The following ETV5 variants were observed in gnomAD, a reference collection of about 807,000 sequenced individuals.
The protein encoded by ETV5 is ETS variant transcription factor 5.
A neutral mutation model predicts 70.0 loss-of-function variants in ETV5; 10 were observed. That is an observed-to-expected ratio of 0.14 (90% CI 0.09 to 0.24). The LOEUF (loss-of-function observed/expected upper bound fraction) is 0.24. ETV5 is among the 10% of genes least tolerant of loss of function. ETV5 has a pLI of 1.00. For missense variants in ETV5, 453 were observed against 651.2 expected (o/e 0.70, Z 3.31); for synonymous variants, 216 against 242.2 (o/e 0.89, Z 1.01).
chr3:186,077,279 G>T (rs1713819308), intron 7 of ETV5, among the ~76,000 whole-genome samples: 1 of 152,196 alleles, frequency 6.6e-6, no homozygotes, highest in African/African-American at 2.4e-5. Context: ...TAAGCCAAGA[G>T]ACAACCTATA....
chr3:186,048,138 T>C lies in ETV5; in HGVS notation c.*501A>G. The C allele has an allele frequency of 4.2e-6, 1 of 235,926 alleles. No individual in the cohort carries two copies. The highest frequency in any genetic ancestry group is 8.4e-6 in the Non-Finnish European group (1 of 119,582). The allele number at this position is 235,926 out of a possible 1,614,324, so 14.6% of individuals were successfully genotyped here. ...ATATTTCAGATTCAGCTAGAAGAGC[T>C]TTCCAATGTTTAAGATGTATTTTTA... On this transcript the variant is annotated 3_prime_UTR_variant, in exon 13 of 13. Transcript: ENST00000306376.
Position 186,105,247 on chromosome 3 carries a change from G to C in ETV5, c.232+58C>G. 6.9e-7 allele frequency: 1 copy of C among 1,454,010 alleles called. No homozygotes were observed. Among genetic ancestry groups the C allele is most frequent in the Non-Finnish European group, 9.5e-7 (1 of 1,050,810 alleles). The allele number at this position is 1,454,010 out of a possible 1,614,324, so 90.1% of individuals were successfully genotyped here. ...CTGAAAAAAGCATATTCTAGACATG[G>C]ATGATCTAAGACCAAACAATTTCAG... is the stretch of plus-strand genomic sequence containing the variant. On this transcript the variant is annotated intron_variant, in intron 5 of 12. Coordinates refer to ENST00000306376, the MANE Select transcript of ETV5 (RefSeq NM_004454.3). This position sits in a 1 kb window ranked among gnomAD's most constrained non-coding sequence, Gnocchi z 4.5.
intron 5 of ETV5, among the ~76,000 whole-genome samples, chr3:186,089,786 A>G (rs1459164139): frequency 6.6e-6 from 1 of 152,238 alleles, no homozygotes; most frequent in African/African-American, 2.4e-5. Context: ...TGAAGCATAA[A>G]CATAAATGCA....
Position 186,101,356 on chromosome 3 carries a change from G to A in ETV5, c.232+3949C>T, listed in dbSNP as rs560767441. Among the ~76,000 whole-genome samples, 444 of 152,250 alleles carry A rather than the reference G, an allele frequency of 2.9e-3. 3 individuals carry two copies. Among genetic ancestry groups the A allele is most frequent in the African/African-American group, 9.8e-3 (409 of 41,536 alleles). On this transcript the variant is annotated intron_variant, in intron 5 of 12. Transcript: ENST00000306376. The stretch of plus-strand genomic sequence containing the variant: ...GGGTACAGTGGTGTGATCACTACTC[G>A]CTTCAACTGTAACCTCGAACTCCTA...
chr3:186,104,866 T>A (rs977101148), intron 5 of ETV5: 1 of 153,894 alleles, frequency 6.5e-6, no homozygotes, highest in Non-Finnish European at 1.4e-5. Flanking sequence ...CTCAGCCTCC[T>A]GAGTAGCTTG....
chr3:186,068,366 A>G (rs1033155401), intron 7 of ETV5, among the ~76,000 whole-genome samples: 6 of 152,230 alleles, frequency 3.9e-5, no homozygotes, highest in Non-Finnish European at 7.4e-5. Context: ...GGTGTCATAT[A>G]AAACCACAGA....
At chr3:186,102,636 CAAAAAAAA>C (rs35154225) in intron 5 of ETV5, among the ~76,000 whole-genome samples, 1 of 91,842 alleles carries the variant, frequency 1.1e-5, no homozygotes, top group Admixed American at 1.2e-4. Context: ...ACTCTCTCTC[CAAAAAAAA>C]AAAAAAAAAA....
At position 186,079,919 on chromosome 3, in the gene ETV5, T is replaced by C; in HGVS notation, c.548A>G (p.Glu183Gly). 1 of 1,494,238 alleles carries C rather than the reference T, an allele frequency of 6.7e-7. No individual in the cohort carries two copies. 92.6% of individuals were successfully genotyped at this position (1,494,238 alleles called of 1,614,324 possible). The part of the protein sequence containing the change: ...GPAPAPHSLP[E>G]PGPQQQTFAV... The stretch of plus-strand genomic sequence containing the variant: ...AAATGTTTGCTGCTGTGGTCCAGGC[T>C]CTGGAAGCGAATGGGGGGCGGGGGC... Residue 183 changes from glutamate to glycine, a missense_variant, in exon 7 of 13, where the codon GAG becomes GGG. Transcript: ENST00000306376.
intron 9 of ETV5, among the ~76,000 whole-genome samples, chr3:186,058,994 CAGAG>C (rs1427706796): frequency 8.3e-5 from 11 of 131,948 alleles, no homozygotes; most frequent in African/African-American, 3.2e-4. Flanking sequence ...GCCTGTGCAA[CAGAG>C]AGAGGCTCTG....
intron 1 of ETV5, among the ~76,000 whole-genome samples, chr3:186,107,830 C>G (rs941640845): frequency 1.3e-5 from 2 of 151,998 alleles, no homozygotes; most frequent in African/African-American, 4.8e-5. Context: ...TAGCGCTGGG[C>G]CCCATTCACA....
chr3:186,074,730 A>G (rs1382997521), intron 7 of ETV5, among the ~76,000 whole-genome samples: 5 of 152,046 alleles, frequency 3.3e-5, no homozygotes, highest in Non-Finnish European at 7.4e-5. Flanking sequence ...CCTGGCCAAC[A>G]TGGTGAAACC....
In ETV5 at chr3:186,047,575, G is replaced by A. The variant is rs1712910219; in HGVS notation, c.*1064C>T. 1 of 232,076 alleles carries A rather than the reference G, an allele frequency of 4.3e-6. No homozygotes were observed. Among genetic ancestry groups the A allele is most frequent in the Non-Finnish European group, 8.5e-6 (1 of 117,236 alleles). 14.4% of individuals were successfully genotyped at this position (232,076 alleles called of 1,614,324 possible). On this transcript the variant is annotated 3_prime_UTR_variant, in exon 13 of 13. Transcript: ENST00000306376. ...CTATACATAGAGAATCTAAGCTTGT[G>A]TCCAGGCTGCCCTGCACACTTCAAA...
In ETV5 at chr3:186,046,371, C is replaced by T. The variant is rs1209945725; in HGVS notation, c.*2268G>A. 4.4e-6 allele frequency: 1 copy of T among 225,542 alleles called. No individual in the cohort carries two copies. The highest frequency in any genetic ancestry group is 5.7e-5 in the Admixed American group (1 of 17,494). The allele number at this position is 225,542 out of a possible 1,614,324, so 14.0% of individuals were successfully genotyped here. A position where few individuals can be genotyped will look rare whatever the true frequency, so the allele number is the denominator to read the frequency against. On this transcript the variant is annotated 3_prime_UTR_variant, in exon 13 of 13. Coordinates refer to ENST00000306376, the MANE Select transcript of ETV5 (RefSeq NM_004454.3). ...GTACACAGTACAGAATATAACGCAG[C>T]TTGGCAGGATGCATACGGCCCTGCG...
intron 5 of ETV5, among the ~76,000 whole-genome samples, chr3:186,104,363 A>G (rs1714537666): frequency 6.6e-6 from 1 of 152,070 alleles, no homozygotes; most frequent in African/African-American, 2.4e-5. Context: ...TTCCCACTGC[A>G]TTTTCTCTCT....
intron 5 of ETV5, among the ~76,000 whole-genome samples, chr3:186,092,269 A>T (rs1490677967): frequency 6.6e-6 from 1 of 152,238 alleles, no homozygotes; most frequent in Non-Finnish European, 1.5e-5. Context: ...AAAGGAGCTT[A>T]GAAAAGAACT....
chr3:186,102,837 C>T (rs770194009), intron 5 of ETV5, among the ~76,000 whole-genome samples: 2 of 152,082 alleles, frequency 1.3e-5, no homozygotes, highest in South Asian at 2.1e-4. Context: ...CTGTGGAAAG[C>T]GCTCATGGAA....
chr3:186,078,330 G>A lies in ETV5; in HGVS notation c.650+1487C>T, dbSNP rs932016038. The A allele has an allele frequency of 3.2e-5, 12 of 370,294 alleles. No homozygotes were observed. In the East Asian group the frequency reaches 4.9e-4, roughly 15 times the overall value. The allele number at this position is 370,294 out of a possible 1,614,324, so 22.9% of individuals were successfully genotyped here. A position where few individuals can be genotyped will look rare whatever the true frequency, so the allele number is the denominator to read the frequency against. On this transcript the variant is annotated intron_variant, in intron 7 of 12. Transcript: ENST00000306376. ...AGTTTCAAATACTGAATATATACTC[G>A]ACCCCACACTTCCTCCCCAATTTCC...
In ETV5 at chr3:186,048,731, G is replaced by A. The variant is rs1328816432; in HGVS notation, c.1441C>T (p.Leu481=). 2.5e-6 allele frequency: 4 copies of A among 1,614,076 alleles called. No individual in the cohort carries two copies. In the Admixed American group the frequency reaches 5.0e-5, roughly 20 times the overall value. ...CTGTCTTCAAAGTGGGTCAGCGGCA[G>A]GGTGTCCTCCTCGCTGAGGTGGCAC... ...SECHLSEEDT[L]PLTHFEDSPA... The change falls in exon 13 of 13, where the codon CTG becomes TTG. Residue 481 remains leucine, a synonymous_variant. Transcript: ENST00000306376.
chr3:186,066,554 A>C (rs1248182579), intron 7 of ETV5, among the ~76,000 whole-genome samples: 1 of 152,192 alleles, frequency 6.6e-6, no homozygotes, highest in African/African-American at 2.4e-5. Flanking sequence ...GCAATAAAAA[A>C]CATAACATTC....
Sources: allele counts gnomAD v4.1 joint callset (sites outside exome capture counted in the v4.1 genomes callset), GRCh38; gene constraint gnomAD v4.1.1; non-coding constraint Gnocchi (gnomAD v3.1); transcripts MANE v1.5; gene names NCBI Gene and HGNC (gene_info 2026-07-23, HGNC 2026-07-21).